The following SCN10A variants were observed in gnomAD, a reference collection of about 807,000 sequenced individuals.
SCN10A encodes sodium voltage-gated channel alpha subunit 10.
A neutral mutation model predicts 170.7 loss-of-function variants in SCN10A; 162 were observed. The ratio of observed to expected loss-of-function variants is 0.95; its 90% CI spans 0.84 to 1.08. The LOEUF is 1.08. SCN10A is among the 50% of genes least tolerant of loss of function. The probability of loss-of-function intolerance (pLI) is 0.00; values close to 1 mark genes in which losing one functional copy is unlikely to be tolerated. For missense variants in SCN10A, 2,527 were observed against 2,436.9 expected, an observed-to-expected ratio of 1.04 and a Z score of -0.78; for synonymous variants, 985 against 904.6, an observed-to-expected ratio of 1.09 and a Z score of -1.59.
intron 26 of SCN10A, among the ~76,000 whole-genome samples, chr3:38,703,391 C>G (rs757647411): frequency 2.0e-5 from 3 of 152,202 alleles, no homozygotes; most frequent in Non-Finnish European, 4.4e-5. Flanking sequence ...ACTTACATCT[C>G]CCTCCAGCTA....
chr3:38,717,515 C>G (rs938337341), intron 21 of SCN10A, among the ~76,000 whole-genome samples: 7 of 152,238 alleles, frequency 4.6e-5, no homozygotes, highest in Non-Finnish European at 1.0e-4. Context: ...ACCCATGACT[C>G]AGATTTCAGG....
chr3:38,803,378 T>C (rs1234144079), intron 1 of SCN10A, among the ~76,000 whole-genome samples: 2 of 152,036 alleles, frequency 1.3e-5, no homozygotes, highest in East Asian at 1.9e-4. Flanking sequence ...CTATTCACAA[T>C]AGCAAAGACT....
At chr3:38,730,732 A>G (rs1389000100) in intron 15 of SCN10A, among the ~76,000 whole-genome samples, 1 of 152,170 alleles carries the variant, frequency 6.6e-6, no homozygotes, top group East Asian at 1.9e-4. Context: ...AATTAAAAAT[A>G]TTATGAAGAA....
At position 38,697,460 on chromosome 3, in the gene SCN10A, G is replaced by A. The variant is rs747009227; in HGVS notation, c.5760C>T (p.Ser1920=). 29 of 1,614,070 alleles carry A rather than the reference G, an allele frequency of 1.8e-5. No individual in the cohort carries two copies. The highest frequency in any genetic ancestry group is 2.3e-5 in the Non-Finnish European group (27 of 1,180,052). The change falls in exon 28 of 28, where the codon TCC becomes TCT. Residue 1920 remains serine (S), a synonymous_variant. Coordinates refer to ENST00000449082, the MANE Select transcript of SCN10A (RefSeq NM_006514.4). ...TAAGGCCTCTAGTGACACTCTCATA[G>A]GACGGTGGGAATGATGTGGCAGAAG... is the stretch of plus-strand genomic sequence containing the variant. The part of the protein sequence containing the change: ...ETASATSFPP[S]YESVTRGLSD...
At position 38,705,811 on chromosome 3, in the gene SCN10A, C is replaced by T. The variant is rs1274549926; in HGVS notation, c.4386+1468G>A. Among the ~76,000 whole-genome samples, 5 of 152,140 alleles carry T rather than the reference C, an allele frequency of 3.3e-5. 1 individual carries two copies. Among genetic ancestry groups the T allele is most frequent in the African/African-American group, 9.7e-5 (4 of 41,422 alleles). On this transcript the variant is annotated intron_variant, in intron 26 of 27. Coordinates refer to ENST00000449082, the MANE Select transcript of SCN10A (RefSeq NM_006514.4). The stretch of plus-strand genomic sequence containing the variant: ...CTCAAATGTGGATTCAATCTTACTC[C>T]AGCCACAAGTAAAGGCCAGTGTGGA...
rs143785361 is a variant in SCN10A at position 38,771,564 on chromosome 3, G to A, written c.471-157C>T. Among the ~76,000 whole-genome samples, 413 of 152,252 alleles carry A rather than the reference G, an allele frequency of 2.7e-3. 3 individuals carry two copies. Among genetic ancestry groups the A allele is most frequent in the African/African-American group, 9.7e-3 (402 of 41,550 alleles). ...GATGAGGGGGAAGAAGGTAAGGAGA[G>A]GAAACAAGACACAGACTGAGGGAAA... On this transcript the variant is annotated intron_variant, in intron 4 of 27. Coordinates refer to ENST00000449082, the MANE Select transcript of SCN10A (RefSeq NM_006514.4).
intron 22 of SCN10A, among the ~76,000 whole-genome samples, chr3:38,713,684 C>T (rs2063299397): frequency 6.6e-6 from 1 of 152,016 alleles, no homozygotes; most frequent in South Asian, 2.1e-4. Flanking sequence ...AACCTGCAGA[C>T]CAGAGAAGTT....
chr3:38,749,370 A>G (rs2063724770), intron 13 of SCN10A, among the ~76,000 whole-genome samples: 1 of 152,184 alleles, frequency 6.6e-6, no homozygotes, highest in Non-Finnish European at 1.5e-5. Flanking sequence ...CCCTAAGGCA[A>G]AAAAAGGCTG....
chr3:38,801,842 T>C (rs1197593733), intron 1 of SCN10A, among the ~76,000 whole-genome samples: 1 of 152,204 alleles, frequency 6.6e-6, no homozygotes, highest in Non-Finnish European at 1.5e-5. Context: ...GTTGCTCTTA[T>C]CTACTTATAT....
At chr3:38,760,457 T>A (rs1327762702) in intron 8 of SCN10A, among the ~76,000 whole-genome samples, 1 of 152,256 alleles carries the variant, frequency 6.6e-6, no homozygotes, top group Non-Finnish European at 1.5e-5. Context: ...ATGAATTAAA[T>A]ACATTGTTGT....
chr3:38,708,335 C>T (rs186753079), intron 25 of SCN10A, among the ~76,000 whole-genome samples: 1 of 152,264 alleles, frequency 6.6e-6, no homozygotes, highest in Non-Finnish European at 1.5e-5. Context: ...AGCTCATCTC[C>T]TTCCGTTACC....
At chr3:38,704,867 G>C (rs887043853) in intron 26 of SCN10A, among the ~76,000 whole-genome samples, 1 of 152,234 alleles carries the variant, frequency 6.6e-6, no homozygotes, top group African/African-American at 2.4e-5. Context: ...GGGCTCCTAA[G>C]GGGAGAAGGT....
intron 19 of SCN10A, 78 bp from the exon 20 acceptor site, chr3:38,722,490 C>A (rs1398504186): frequency 6.6e-7 from 1 of 1,504,014 alleles, no homozygotes; most frequent in Non-Finnish European, 9.0e-7. Context: ...GCAGAGAAAC[C>A]ATTCTGCTAG....
At chr3:38,775,629 A>G (rs1380098925) in intron 4 of SCN10A, among the ~76,000 whole-genome samples, 2 of 152,176 alleles carry the variant, frequency 1.3e-5, no homozygotes, top group African/African-American at 4.8e-5. Context: ...TAAATAGAAC[A>G]AAAAGTCACT....
Position 38,808,276 on chromosome 3 carries a change from CCTT to C in SCN10A, c.-33+7758_-33+7760del, listed in dbSNP as rs201972904. 6.8e-4 allele frequency among the ~76,000 whole-genome samples: 103 copies of C among 152,092 alleles called. 1 individual carries two copies. The East Asian group carries it at 0.017, about 25-fold the overall frequency. On this transcript the variant is annotated intron_variant, in intron 1 of 27. Transcript: ENST00000449082. ...CTCTCTCTCTCAGCAATGCTTTTGT[CCTT>C]CTTTCCCCTGGGTGACTTCTTTCTT...
chr3:38,801,102 AG>A (rs1162745984), intron 1 of SCN10A, among the ~76,000 whole-genome samples: 2 of 152,136 alleles, frequency 1.3e-5, no homozygotes, highest in East Asian at 3.9e-4. Context: ...ACAGTGGGCA[AG>A]GCAAGACAGA....
At chr3:38,726,092 T>A (rs1461318416) in intron 17 of SCN10A, among the ~76,000 whole-genome samples, 1 of 152,234 alleles carries the variant, frequency 6.6e-6, no homozygotes, top group Non-Finnish European at 1.5e-5. Context: ...TAAGGAATAG[T>A]GCCAAGTATT....
intron 19 of SCN10A, among the ~76,000 whole-genome samples, chr3:38,723,075 C>T (rs965704640): frequency 1.1e-4 from 17 of 152,204 alleles, no homozygotes; most frequent in African/African-American, 4.1e-4. Flanking sequence ...CATGGCCTTC[C>T]TCTGGGTCCT....
At chr3:38,802,349 C>T (rs1018182808) in intron 1 of SCN10A, among the ~76,000 whole-genome samples, 3 of 152,192 alleles carry the variant, frequency 2.0e-5, no homozygotes, top group African/African-American at 4.8e-5. Flanking sequence ...AAGTCTTTCA[C>T]TTGCATTCCA....
Sources: allele counts gnomAD v4.1 joint callset (sites outside exome capture counted in the v4.1 genomes callset), GRCh38; gene constraint gnomAD v4.1.1; transcripts MANE v1.5; gene names NCBI Gene and HGNC (gene_info 2026-07-23, HGNC 2026-07-21).